Variants in MGAT4A observed in about 807,000 individuals in gnomAD.
MGAT4A encodes the protein alpha-1,3-mannosyl-glycoprotein 4-beta-N-acetylglucosaminyltransferase A, also known as N-acetylglucosaminyltransferase IVa.
A neutral mutation model predicts 74.1 loss-of-function variants in MGAT4A; 33 were observed. That is an observed-to-expected ratio of 0.45 (90% confidence interval 0.34 to 0.60). The LOEUF is 0.60. MGAT4A is among the 20% of genes least tolerant of loss of function. The pLI is 0.02. For missense variants in MGAT4A, 479 were observed against 628.3 expected (o/e 0.76, Z 2.54); for synonymous variants, 198 against 210.4 (o/e 0.94, Z 0.51).
intron 2 of MGAT4A, among the ~76,000 whole-genome samples, chr2:98,691,338 G>C (rs1048520486): frequency 1.3e-5 from 2 of 152,012 alleles, no homozygotes; most frequent in African/African-American, 4.8e-5. Context: ...CTACTAGGGA[G>C]CTGAGGCGGG....
At chr2:98,727,225 C>A (rs184918360) in intron 1 of MGAT4A, among the ~76,000 whole-genome samples, 42 of 152,288 alleles carry the variant, frequency 2.8e-4, no homozygotes, top group Admixed American at 5.9e-4. Flanking sequence ...TAAACTGGAA[C>A]TATTTAAGCA....
At chr2:98,716,587 T>C (rs921393817) in intron 2 of MGAT4A, among the ~76,000 whole-genome samples, 2 of 152,214 alleles carry the variant, frequency 1.3e-5, no homozygotes, top group Non-Finnish European at 1.5e-5. Flanking sequence ...ATTGCACCAC[T>C]GCACTCCAGC....
chr2:98,720,239 T>C (rs141809289), intron 2 of MGAT4A, among the ~76,000 whole-genome samples: 1 of 152,206 alleles, frequency 6.6e-6, no homozygotes, highest in South Asian at 2.1e-4. Context: ...GATATGTCTG[T>C]GAAGGTATTT....
intron 14 of MGAT4A, among the ~76,000 whole-genome samples, chr2:98,629,847 C>A (rs1431341301): frequency 1.3e-5 from 2 of 152,044 alleles, no homozygotes; most frequent in African/African-American, 4.8e-5. Context: ...AGTTCGAGAC[C>A]AGCCTAGCCA....
In MGAT4A at chr2:98,623,968, C is replaced by T. The variant is rs1701101344; in HGVS notation, c.*1598G>A. The T allele has an allele frequency of 2.0e-6, 2 of 985,336 alleles. No individual in the cohort carries two copies. The highest frequency in any genetic ancestry group is 3.5e-5 in the African/African-American group (2 of 57,224). The allele number at this position is 985,336 out of a possible 1,614,324, so 61.0% of individuals were successfully genotyped here. ...ACCAACCTGCAACCCACTTGTGGCA[C>T]CCCAGTGTGTCCAAGCAGACTGGCT... On this transcript the variant is annotated 3_prime_UTR_variant, in exon 16 of 16. Coordinates refer to ENST00000393487, the MANE Select transcript of MGAT4A (RefSeq NM_012214.3).
At chr2:98,697,808 G>A (rs1460164789) in intron 2 of MGAT4A, among the ~76,000 whole-genome samples, 1 of 152,190 alleles carries the variant, frequency 6.6e-6, no homozygotes, top group Non-Finnish European at 1.5e-5. Flanking sequence ...GAGGAGCCCA[G>A]AACACTGCCT....
chr2:98,643,897 TCCA>T lies in MGAT4A; in HGVS notation c.1020+23_1020+25del, dbSNP rs774938026. ...CACGAAATACAGAAGTGAAACTCCCTCCACTCTGGTGAGGAATTAACTTACTGC... is the reference window on the plus strand; with the variant it reads ...CACGAAATACAGAAGTGAAACTCCCTCTCTGGTGAGGAATTAACTTACTGC... On this transcript the variant is annotated intron_variant, in intron 10 of 15. Coordinates refer to ENST00000393487, the MANE Select transcript of MGAT4A (RefSeq NM_012214.3). The T allele has an allele frequency of 1.4e-5, 21 of 1,477,304 alleles. No homozygotes were observed. The South Asian group carries it at 3.0e-4, about 21-fold the overall frequency. 91.5% of individuals were successfully genotyped at this position (1,477,304 alleles called of 1,614,324 possible). A position where few individuals can be genotyped will look rare whatever the true frequency, so the allele number is the denominator to read the frequency against.
intron 9 of MGAT4A, among the ~76,000 whole-genome samples, chr2:98,644,983 A>C (rs112113044): frequency 3.3e-5 from 5 of 152,336 alleles, no homozygotes; most frequent in African/African-American, 9.6e-5. Context: ...TCAGCCAAAA[A>C]CCATTTAGAA....
chr2:98,621,250 C>A lies in MGAT4A; in HGVS notation c.*4316G>T. 1 of 911,160 alleles carries A rather than the reference C, an allele frequency of 1.1e-6. No homozygotes were observed. The highest frequency in any genetic ancestry group is 1.5e-6 in the Non-Finnish European group (1 of 649,778). The allele number at this position is 911,160 out of a possible 1,614,324, so 56.4% of individuals were successfully genotyped here. ...ACAAGGCTGGATTCAAAGTGTTGGC[C>A]AGGCTGGGTCTTATCTGGAGACTGG... On this transcript the variant is annotated 3_prime_UTR_variant, in exon 16 of 16. Transcript: ENST00000393487.
intron 4 of MGAT4A, among the ~76,000 whole-genome samples, chr2:98,664,740 C>T (rs988059361): frequency 2.0e-5 from 3 of 152,182 alleles, no homozygotes; most frequent in African/African-American, 7.2e-5. Flanking sequence ...AACTGTGCCA[C>T]TATTATAATT....
chr2:98,663,369 G>C (rs1415494703), intron 4 of MGAT4A, 190 bp from the exon 5 acceptor site: 1 of 1,522,788 alleles, frequency 6.6e-7, no homozygotes, highest in Non-Finnish European at 8.8e-7. Flanking sequence ...TTTTCACATG[G>C]CTTAACCATA....
chr2:98,664,200 CAAAAAAAAAAAAAAAAAAA>C (rs57981145), intron 4 of MGAT4A, among the ~76,000 whole-genome samples: 2 of 51,444 alleles, frequency 3.9e-5, no homozygotes, highest in Non-Finnish European at 7.2e-5. Flanking sequence ...GATTCCATCT[CAAAAAAAAAAAAAAAAAAA>C]AAAAAAAAAA....
chr2:98,619,261 A>G lies in MGAT4A; in HGVS notation c.*6305T>C, dbSNP rs879150941. 1 of 152,648 alleles carries G rather than the reference A, an allele frequency of 6.6e-6. No homozygotes were observed. The highest frequency in any genetic ancestry group is 2.1e-4 in the South Asian group (1 of 4,834). The allele number at this position is 152,648 out of a possible 1,614,324, so 9.5% of individuals were successfully genotyped here. On this transcript the variant is annotated 3_prime_UTR_variant, in exon 16 of 16. Coordinates refer to ENST00000393487, the MANE Select transcript of MGAT4A (RefSeq NM_012214.3). ...TTACTAGGTTTTCAATTATAGCAGC[A>G]AATCTGAAAATAAATAATCTTCCTT...
chr2:98,690,999 C>T (rs996973249), intron 2 of MGAT4A, among the ~76,000 whole-genome samples: 1 of 152,024 alleles, frequency 6.6e-6, no homozygotes, highest in African/African-American at 2.4e-5. Context: ...GGAACTGTAA[C>T]AAAAGATCTG....
chr2:98,649,135 C>T (rs565641474), intron 8 of MGAT4A, among the ~76,000 whole-genome samples: 1 of 152,298 alleles, frequency 6.6e-6, no homozygotes, highest in Non-Finnish European at 1.5e-5. Flanking sequence ...ATCTGAATAA[C>T]AGGACTTCAA....
At chr2:98,697,906 C>T (rs1395378985) in intron 2 of MGAT4A, among the ~76,000 whole-genome samples, 1 of 152,102 alleles carries the variant, frequency 6.6e-6, no homozygotes, top group Non-Finnish European at 1.5e-5. Context: ...AAGACAAATG[C>T]TAAAGGTTGA....
chr2:98,655,355 A>G (rs1160365133), intron 8 of MGAT4A, 90 bp downstream of exon 8: 2 of 940,192 alleles, frequency 2.1e-6, no homozygotes, highest in Admixed American at 5.3e-5. Context: ...GAGGGTTTGC[A>G]CTTTCAAAAC....
chr2:98,730,252 AAC>A (rs1212709522), intron 1 of MGAT4A: 2 of 152,218 alleles, frequency 1.3e-5, no homozygotes, highest in African/African-American at 4.8e-5. Flanking sequence ...GCTCCAGAGA[AAC>A]ACACTGTTGC....
chr2:98,673,479 A>G (rs1701937674), intron 4 of MGAT4A, among the ~76,000 whole-genome samples: 1 of 152,328 alleles, frequency 6.6e-6, no homozygotes, highest in Non-Finnish European at 1.5e-5. Context: ...CTAATGATTT[A>G]GGGAGGAAAA....
Sources: allele counts gnomAD v4.1 joint callset (sites outside exome capture counted in the v4.1 genomes callset), GRCh38; gene constraint gnomAD v4.1.1; transcripts MANE v1.5; gene names NCBI Gene and HGNC (gene_info 2026-07-23, HGNC 2026-07-21).